Variants in ALG9 observed in about 807,000 individuals in gnomAD.
ALG9 encodes the protein alpha-1,2-mannosyltransferase ALG9.
In ALG9, 55 loss-of-function variants were observed where a neutral mutation model predicts 81.8. The observed-to-expected ratio is 0.67, with a 90% confidence interval of 0.54 to 0.84. The LOEUF (loss-of-function observed/expected upper bound fraction) is 0.84. Ranked by LOEUF, ALG9 falls within the 40% of genes least tolerant of loss-of-function variation. The pLI is 0.00. For synonymous variants in ALG9, 278 were observed against 274.3 expected, an observed-to-expected ratio of 1.01 and a Z score of -0.13; for missense variants, 629 against 745.0, an observed-to-expected ratio of 0.84 and a Z score of 1.81.
At chr11:111,820,745 T>C (rs529644821) in intron 13 of ALG9, among the ~76,000 whole-genome samples, 1 of 152,318 alleles carries the variant, frequency 6.6e-6, no homozygotes, top group East Asian at 1.9e-4. Flanking sequence ...AGTTCTAAGA[T>C]GTTTTTTGAC....
At chr11:111,796,241 A>G (rs1428151927) in intron 14 of ALG9, among the ~76,000 whole-genome samples, 1 of 152,252 alleles carries the variant, frequency 6.6e-6, no homozygotes, top group East Asian at 1.9e-4. Flanking sequence ...CAATCAATAC[A>G]TATTTTCTAA....
intron 8 of ALG9, among the ~76,000 whole-genome samples, chr11:111,848,459 G>C (rs1234891608): frequency 1.3e-5 from 2 of 151,894 alleles, no homozygotes; most frequent in Non-Finnish European, 2.9e-5. Context: ...GTGTGGTGGT[G>C]CATGCCTGTA....
At chr11:111,836,575 T>C in intron 12 of ALG9, 2 of 402,418 alleles carry the variant, frequency 5.0e-6, no homozygotes, top group Non-Finnish European at 9.4e-6. Flanking sequence ...GAAGTGCCAA[T>C]GCTTATTGTC....
chr11:111,812,272 A>G (rs191260782), intron 13 of ALG9, among the ~76,000 whole-genome samples: 1 of 152,342 alleles, frequency 6.6e-6, no homozygotes, highest in Non-Finnish European at 1.5e-5. Context: ...AGGCATTCTT[A>G]AAAAAGAAGA....
chr11:111,806,567 T>C (rs1949961318), intron 14 of ALG9, among the ~76,000 whole-genome samples: 1 of 152,194 alleles, frequency 6.6e-6, no homozygotes, highest in Non-Finnish European at 1.5e-5. Context: ...TGCTGGTTCC[T>C]CCTCTTCTCC....
chr11:111,804,708 G>T (rs1344403489), intron 14 of ALG9, among the ~76,000 whole-genome samples: 1 of 152,202 alleles, frequency 6.6e-6, no homozygotes, highest in East Asian at 1.9e-4. Context: ...CATATGAAAA[G>T]ATGCTCTGCA....
At chr11:111,795,224 G>C (rs933188725) in intron 14 of ALG9, among the ~76,000 whole-genome samples, 3 of 152,164 alleles carry the variant, frequency 2.0e-5, no homozygotes, top group Admixed American at 6.5e-5. Context: ...TCTTAAACCA[G>C]AGCATCTGGT....
intron 14 of ALG9, among the ~76,000 whole-genome samples, chr11:111,791,817 C>CTT (rs1947458082): frequency 1.3e-5 from 2 of 152,374 alleles, no homozygotes; most frequent in South Asian, 4.1e-4. Context: ...TTTGGCCAGA[C>CTT]ACAGTGGCTT....
chr11:111,849,384 A>G (rs1957415616), intron 8 of ALG9: 1 of 152,166 alleles, frequency 6.6e-6, no homozygotes, highest in South Asian at 2.1e-4. Flanking sequence ...CCATTTGTCC[A>G]TCCAGTCAAG....
At position 111,786,003 on chromosome 11, in the gene ALG9, TG is replaced by T; in HGVS notation, c.*393del. The T allele has an allele frequency of 2.2e-6, 1 of 457,090 alleles. No individual in the cohort carries two copies. Among genetic ancestry groups the T allele is most frequent in the Admixed American group, 2.3e-5 (1 of 42,596 alleles). 28.3% of individuals were successfully genotyped at this position (457,090 alleles called of 1,614,324 possible). A position where few individuals can be genotyped will look rare whatever the true frequency, so the allele number is the denominator to read the frequency against. ...TAAGAGAGGCTTGCTAGTTCTCAGA[TG>T]CCAGGCCAGAGTGTGGAGAACAGCT... On this transcript the variant is annotated 3_prime_UTR_variant, in exon 15 of 15. Coordinates refer to ENST00000616540, the MANE Select transcript of ALG9 (RefSeq NM_024740.2).
chr11:111,786,850 C>T (rs1555065079), intron 14 of ALG9, among the ~76,000 whole-genome samples: 1 of 152,166 alleles, frequency 6.6e-6, no homozygotes, highest in East Asian at 1.9e-4. Context: ...GAATTCTTAA[C>T]ACCAAAATGG....
intron 14 of ALG9, chr11:111,798,249 A>G: frequency 7.0e-6 from 2 of 286,106 alleles, no homozygotes; most frequent in Non-Finnish European, 1.4e-5. Flanking sequence ...TCCCCAAACT[A>G]AAGGTGAAAG....
At chr11:111,829,084 CT>C (rs1953885172) in intron 13 of ALG9, 1 of 152,152 alleles carries the variant, frequency 6.6e-6, no homozygotes, top group Non-Finnish European at 1.5e-5. Context: ...TAAATTTATT[CT>C]CTCAATTTTA....
intron 13 of ALG9, among the ~76,000 whole-genome samples, chr11:111,832,620 A>T (rs1299295947): frequency 2.0e-5 from 3 of 152,122 alleles, no homozygotes; most frequent in Non-Finnish European, 4.4e-5. Flanking sequence ...TTGTGTCCCT[A>T]ACTCCGTTTT....
At chr11:111,844,854 C>CTGTG in intron 8 of ALG9, 131 bp from the exon 9 acceptor site, 1 of 946,546 alleles carries the variant, frequency 1.1e-6, no homozygotes, top group Non-Finnish European at 1.7e-6. Context: ...AGTGCACAGC[C>CTGTG]CACTCTTCCC....
At chr11:111,844,335 C>T (rs949709244) in intron 9 of ALG9, among the ~76,000 whole-genome samples, 1 of 152,152 alleles carries the variant, frequency 6.6e-6, no homozygotes, top group African/African-American at 2.4e-5. Context: ...ATTTTTACTT[C>T]CCTGGGTGAT....
intron 5 of ALG9, among the ~76,000 whole-genome samples, chr11:111,859,575 C>T (rs1028612771): frequency 6.6e-6 from 1 of 151,644 alleles, no homozygotes; most frequent in African/African-American, 2.4e-5. Context: ...TGAGGTACAC[C>T]CTTTACCAAT....
At chr11:111,794,602 CCTTCTCCTCTCTTCT>C (rs1366294108) in intron 14 of ALG9, among the ~76,000 whole-genome samples, 1 of 151,960 alleles carries the variant, frequency 6.6e-6, no homozygotes, top group Non-Finnish European at 1.5e-5. Context: ...GTCCTGTCTT[CCTTCTCCTCTCTTCT>C]CTTCTCCTCT....
At chr11:111,849,266 G>C (rs1957392829) in intron 8 of ALG9, among the ~76,000 whole-genome samples, 1 of 152,036 alleles carries the variant, frequency 6.6e-6, no homozygotes, top group African/African-American at 2.4e-5. Context: ...GGCCAGGCTG[G>C]TCTCGAACTC....
Sources: allele counts gnomAD v4.1 joint callset (sites outside exome capture counted in the v4.1 genomes callset), GRCh38; gene constraint gnomAD v4.1.1; transcripts MANE v1.5; gene names NCBI Gene and HGNC (gene_info 2026-07-23, HGNC 2026-07-21).